Variants in CDC14B observed in about 807,000 individuals in gnomAD.
CDC14B encodes the protein dual specificity protein phosphatase CDC14B.
A neutral mutation model predicts 64.2 loss-of-function variants in CDC14B; 22 were observed. The ratio of observed to expected loss-of-function variants is 0.34; its 90% CI spans 0.24 to 0.49. CDC14B has a LOEUF of 0.49. CDC14B is among the 20% of genes least tolerant of loss of function. The probability of loss-of-function intolerance (pLI) is 0.99; values close to 1 mark genes in which losing one functional copy is unlikely to be tolerated. For missense variants in CDC14B, 498 were observed against 629.9 expected (o/e 0.79, Z 2.24); for synonymous variants, 191 against 215.8 (o/e 0.89, Z 1.01).
At chr9:96,514,297 G>A in intron 12 of CDC14B, 2 of 458,226 alleles carry the variant, frequency 4.4e-6, no homozygotes, top group Non-Finnish European at 5.7e-6. Context: ...TTGCCACTTG[G>A]AACAGTTTGA....
chr9:96,509,779 G>T lies in CDC14B; in HGVS notation c.1354C>A (p.Gln452Lys). ...GTTTTACAGCTCTGAACACTGGATT[G>T]AAGAATTACTCTGAAAATAGTTGGA... The part of the protein sequence containing the change: ...TNAIPLTVIL[Q>K]SSVQSCKTSE... Residue 452 changes from glutamine to lysine, a missense_variant, in exon 13 of 14, where the codon CAA becomes AAA. Gln to Lys is a moderately conservative substitution (Grantham distance 53). Coordinates refer to ENST00000375241, the MANE Select transcript of CDC14B (RefSeq NM_033331.4). The T allele has an allele frequency of 6.3e-7, 1 of 1,588,858 alleles. No individual in the cohort carries two copies. The highest frequency in any genetic ancestry group is 8.6e-7 in the Non-Finnish European group (1 of 1,158,958).
chr9:96,551,187 A>G (rs1049440547), intron 5 of CDC14B, among the ~76,000 whole-genome samples: 10 of 140,972 alleles, frequency 7.1e-5, no homozygotes, highest in African/African-American at 2.7e-4. Flanking sequence ...ACCATAGCTC[A>G]CTCACTGCAC....
At chr9:96,521,995 C>T (rs1836802815) in intron 12 of CDC14B, among the ~76,000 whole-genome samples, 1 of 152,186 alleles carries the variant, frequency 6.6e-6, no homozygotes, top group Non-Finnish European at 1.5e-5. Context: ...ACAACATTTC[C>T]TATTCTCAGG....
intron 4 of CDC14B, among the ~76,000 whole-genome samples, chr9:96,556,590 A>C (rs954058909): frequency 5.3e-5 from 8 of 152,142 alleles, no homozygotes; most frequent in Non-Finnish European, 1.0e-4. Flanking sequence ...TTACTTTTAC[A>C]TATATATAAT....
At chr9:96,529,194 T>A (rs1358881870) in intron 9 of CDC14B, among the ~76,000 whole-genome samples, 1 of 152,210 alleles carries the variant, frequency 6.6e-6, no homozygotes. Flanking sequence ...TGTTTTCCTC[T>A]AAGAGTTTTA....
rs900823410 is a variant in CDC14B, at chr9:96,619,632, C to T, written c.-254G>A. ...GGCGCCGCAGCCCTCGCTACAGCGC[C>T]TCCTGCCGCGGCCGGCGCCCCCAGC... On this transcript the variant is annotated 5_prime_UTR_variant, in exon 1 of 14. Transcript: ENST00000375241. The T allele has an allele frequency of 1.4e-5, 2 of 147,270 alleles. No homozygotes were observed. Among genetic ancestry groups the T allele is most frequent in the African/African-American group, 4.9e-5 (2 of 40,920 alleles). The allele number at this position is 147,270 out of a possible 1,614,324, so 9.1% of individuals were successfully genotyped here. A position where few individuals can be genotyped will look rare whatever the true frequency, so the allele number is the denominator to read the frequency against.
intron 1 of CDC14B, among the ~76,000 whole-genome samples, chr9:96,582,939 A>G (rs1044316573): frequency 3.9e-5 from 6 of 152,262 alleles, no homozygotes; most frequent in East Asian, 1.9e-4. Context: ...TAAAACATAT[A>G]TGATTGGTTT....
intron 13 of CDC14B, among the ~76,000 whole-genome samples, chr9:96,494,444 G>A (rs1215455813): frequency 4.6e-5 from 7 of 152,208 alleles, no homozygotes; most frequent in Admixed American, 6.5e-5. Flanking sequence ...CATGTAAACC[G>A]GATGGGACTA....
intron 1 of CDC14B, among the ~76,000 whole-genome samples, chr9:96,575,897 G>GA (rs1312391670): frequency 5.4e-4 from 82 of 152,234 alleles, no homozygotes; most frequent in African/African-American, 1.7e-3. Flanking sequence ...AAGCCTTACA[G>GA]AAAAAACTGA....
intron 9 of CDC14B, among the ~76,000 whole-genome samples, chr9:96,529,027 C>T (rs758801773): frequency 1.3e-5 from 2 of 152,200 alleles, no homozygotes; most frequent in Non-Finnish European, 2.9e-5. Flanking sequence ...CAAATATTTT[C>T]TCCCAATCCA....
intron 1 of CDC14B, among the ~76,000 whole-genome samples, chr9:96,582,281 T>TA (rs545292337): frequency 1.2e-3 from 177 of 152,322 alleles, no homozygotes; most frequent in African/African-American, 4.0e-3. Context: ...CTAACCATAA[T>TA]AAAAAAATCA....
At chr9:96,522,035 T>C (rs1836813188) in intron 12 of CDC14B, among the ~76,000 whole-genome samples, 1 of 152,224 alleles carries the variant, frequency 6.6e-6, no homozygotes, top group African/African-American at 2.4e-5. Context: ...TAGAAAATCA[T>C]TCCCCAAAGA....
At chr9:96,563,381 G>A (rs899642031) in intron 3 of CDC14B, among the ~76,000 whole-genome samples, 3 of 152,086 alleles carry the variant, frequency 2.0e-5, no homozygotes, top group Non-Finnish European at 4.4e-5. Flanking sequence ...TGGTGGGTGC[G>A]GTGGCTCACG....
downstream of CDC14B, among the ~76,000 whole-genome samples, chr9:96,497,422 G>C (rs373000004): frequency 3.3e-5 from 5 of 152,246 alleles, no homozygotes; most frequent in African/African-American, 1.2e-4. Flanking sequence ...TAAACGGATA[G>C]ACACAGGGAG....
intron 1 of CDC14B, among the ~76,000 whole-genome samples, chr9:96,578,220 T>C (rs1844922901): frequency 6.6e-6 from 1 of 152,220 alleles, no homozygotes; most frequent in Non-Finnish European, 1.5e-5. Flanking sequence ...GAATCCATAC[T>C]GTCATAAATA....
chr9:96,557,735 C>T (rs538146021), intron 4 of CDC14B, among the ~76,000 whole-genome samples: 1 of 152,284 alleles, frequency 6.6e-6, no homozygotes, highest in East Asian at 1.9e-4. Context: ...GCTATAAAAA[C>T]TGCTTAAACA....
chr9:96,545,661 A>G (rs1840704383), intron 5 of CDC14B, among the ~76,000 whole-genome samples: 1 of 151,886 alleles, frequency 6.6e-6, no homozygotes, highest in Admixed American at 6.6e-5. Context: ...CAATCAAGTT[A>G]AAGACATGTT....
chr9:96,515,826 C>A lies in CDC14B; in HGVS notation c.1344-6037G>T. 3 of 1,533,652 alleles carry A rather than the reference C, an allele frequency of 2.0e-6. No individual in the cohort carries two copies. Among genetic ancestry groups the A allele is most frequent in the South Asian group, 2.5e-5 (2 of 79,938 alleles). Reference sequence around the variant, plus strand: ...GGGTGAAGGGGAAAGAACAGATGTTCAAATTGGGAAGCCAAAATAAATTAC... The same window carrying A: ...GGGTGAAGGGGAAAGAACAGATGTTAAAATTGGGAAGCCAAAATAAATTAC... On this transcript the variant is annotated intron_variant, in intron 12 of 13. Transcript: ENST00000375241. The surrounding 1 kb of genome is among the most constrained non-coding windows in gnomAD (Gnocchi z 4.3).
intron 5 of CDC14B, 141 bp from the exon 6 acceptor site, chr9:96,542,033 T>C: frequency 2.0e-6 from 1 of 494,554 alleles, no homozygotes; most frequent in East Asian, 3.2e-5. Context: ...TTTTGACTTT[T>C]AAATAAAAGA....
Sources: gnomAD v4.1 joint callset for allele counts (sites outside exome capture counted in the v4.1 genomes callset) on GRCh38, gnomAD v4.1.1 for gene constraint, Gnocchi (gnomAD v3.1) non-coding constraint, MANE v1.5 for transcripts, NCBI Gene and HGNC (gene_info 2026-07-23, HGNC 2026-07-21) for gene names.